The following ACOT12 variants were observed in gnomAD, a reference collection of about 807,000 sequenced individuals.
ACOT12 encodes the protein acetyl-coenzyme A thioesterase.
Under a neutral mutation model 67.7 loss-of-function variants are expected in ACOT12, and 51 were observed. That is an observed-to-expected ratio of 0.75 (90% CI 0.60 to 0.95). ACOT12 has a LOEUF of 0.95. Ranked by LOEUF, ACOT12 falls within the 40% of genes least tolerant of loss-of-function variation. The probability of loss-of-function intolerance (pLI) is 0.00; values close to 1 mark genes in which losing one functional copy is unlikely to be tolerated. For missense variants in ACOT12, 734 were observed against 708.1 expected (o/e 1.04, Z -0.41); for synonymous variants, 251 against 244.6 (o/e 1.03, Z -0.24).
chr5:81,391,069 A>G (rs970940468), intron 1 of ACOT12, among the ~76,000 whole-genome samples: 1 of 152,240 alleles, frequency 6.6e-6, no homozygotes, highest in Non-Finnish European at 1.5e-5. Context: ...AACCAAAACT[A>G]TAATCTGTCT....
intron 7 of ACOT12, 32 bp from the exon 8 acceptor site, chr5:81,345,073 G>A: frequency 6.2e-7 from 1 of 1,612,288 alleles, no homozygotes; most frequent in Non-Finnish European, 8.5e-7. Flanking sequence ...GGTGGGCAAA[G>A]AGGATCTTGA....
chr5:81,330,603 A>G (rs971176060), intron 14 of ACOT12, 60 bp from the exon 15 acceptor site: 4 of 1,581,994 alleles, frequency 2.5e-6, no homozygotes, highest in Middle Eastern at 1.7e-4. Flanking sequence ...TTTTTCAAGA[A>G]AGGATCTGAG....
At chr5:81,393,587 T>C (rs1242191784) in intron 1 of ACOT12, among the ~76,000 whole-genome samples, 2 of 152,008 alleles carry the variant, frequency 1.3e-5, no homozygotes, top group South Asian at 4.2e-4. Context: ...CCTGGTGGCG[T>C]GCGTCTGTGG....
At chr5:81,345,118 CCTCGCCCACCGCTGCCA>C in intron 7 of ACOT12, 77 bp from the exon 8 acceptor site, 1 of 638,670 alleles carries the variant, frequency 1.6e-6, no homozygotes, top group Non-Finnish European at 2.3e-6. Flanking sequence ...GCTGCCACCT[CCTCGCCCACCGCTGCCA>C]CCTCCTCTAA....
At chr5:81,368,295 A>AAAT (rs760857267) in intron 3 of ACOT12, among the ~76,000 whole-genome samples, 26 of 152,020 alleles carry the variant, frequency 1.7e-4, no homozygotes, top group East Asian at 3.9e-4. Context: ...CCATCTCAAA[A>AAAT]AATAATAATA....
the ACOT12 span, chr5:81,312,716 C>A: frequency 8.2e-6 from 11 of 1,348,522 alleles, no homozygotes; most frequent in East Asian, 2.3e-4. Flanking sequence ...CTAAACCAGG[C>A]CCGCTTCACG....
chr5:81,310,528 T>G, the ACOT12 span, among the ~76,000 whole-genome samples: 1 of 152,222 alleles, frequency 6.6e-6, no homozygotes, highest in East Asian at 1.9e-4. Flanking sequence ...GTCATTTTTC[T>G]AAGTCACTTA....
downstream of ACOT12, among the ~76,000 whole-genome samples, chr5:81,328,116 G>A (rs544481394): frequency 2.9e-4 from 44 of 152,078 alleles, no homozygotes; most frequent in African/African-American, 9.6e-4. Context: ...ACTTTGCCTC[G>A]CCTAGTCCTT....
the ACOT12 span, chr5:81,309,036 A>C: frequency 3.1e-6 from 5 of 1,609,252 alleles, no homozygotes; most frequent in Admixed American, 8.5e-5. Flanking sequence ...CTCTATGCTG[A>C]TGGTAAGTAC....
intron 5 of ACOT12, among the ~76,000 whole-genome samples, chr5:81,356,697 C>A (rs183750665): frequency 2.0e-4 from 30 of 152,176 alleles, no homozygotes; most frequent in Non-Finnish European, 3.8e-4. Context: ...CAAGCAGACA[C>A]CCAGGAGTCA....
intron 3 of ACOT12, among the ~76,000 whole-genome samples, chr5:81,371,159 A>G (rs567867712): frequency 2.6e-5 from 4 of 152,336 alleles, no homozygotes; most frequent in African/African-American, 9.6e-5. Context: ...ATAAAGAATT[A>G]AGACTGTCCT....
At chr5:81,356,493 T>C (rs762756353) in intron 5 of ACOT12, among the ~76,000 whole-genome samples, 1 of 152,138 alleles carries the variant, frequency 6.6e-6, no homozygotes, top group Non-Finnish European at 1.5e-5. Context: ...TTGTCTTCAT[T>C]TGAACTACTT....
intron 11 of ACOT12, among the ~76,000 whole-genome samples, chr5:81,337,376 T>C (rs539778181): frequency 1.3e-5 from 2 of 152,170 alleles, no homozygotes; most frequent in Non-Finnish European, 2.9e-5. Context: ...AGTTGAATTA[T>C]TTCTCTACCC....
At chr5:81,381,367 C>A (rs1760580434) in intron 2 of ACOT12, among the ~76,000 whole-genome samples, 1 of 152,004 alleles carries the variant, frequency 6.6e-6, no homozygotes, top group African/African-American at 2.4e-5. Flanking sequence ...CTGCACCCGG[C>A]CAGTATTAAA....
At chr5:81,354,554 G>A (rs998996270) in intron 5 of ACOT12, among the ~76,000 whole-genome samples, 1 of 152,034 alleles carries the variant, frequency 6.6e-6, no homozygotes, top group African/African-American at 2.4e-5. Flanking sequence ...ACGAACCCTC[G>A]CAAGGGAGCT....
downstream of ACOT12, among the ~76,000 whole-genome samples, chr5:81,328,424 TGAAA>T (rs373643481): frequency 4.6e-5 from 7 of 152,206 alleles, no homozygotes; most frequent in African/African-American, 1.4e-4. Context: ...TCTGAATGAA[TGAAA>T]GAGTGAGTAT....
intron 1 of ACOT12, among the ~76,000 whole-genome samples, chr5:81,393,407 G>T (rs987101139): frequency 6.6e-6 from 1 of 152,082 alleles, no homozygotes; most frequent in African/African-American, 2.4e-5. Context: ...ATAAACAAAA[G>T]CTGCCTGGGT....
intron 13 of ACOT12, 66 bp downstream of exon 13, chr5:81,332,411 A>G: frequency 6.5e-7 from 1 of 1,545,734 alleles, no homozygotes; most frequent in Non-Finnish European, 8.8e-7. Context: ...TTATTTTCAC[A>G]TCAACTTTTA....
At chr5:81,355,363 T>C (rs1580556634) in intron 5 of ACOT12, among the ~76,000 whole-genome samples, 1 of 152,170 alleles carries the variant, frequency 6.6e-6, no homozygotes, top group East Asian at 1.9e-4. Context: ...TATAGACCTG[T>C]TACAGTACTA....
Sources: gnomAD v4.1 joint callset for allele counts (sites outside exome capture counted in the v4.1 genomes callset) on GRCh38, gnomAD v4.1.1 for gene constraint, MANE v1.5 for transcripts, NCBI Gene and HGNC (gene_info 2026-07-23, HGNC 2026-07-21) for gene names.